Variants in FLNB observed in about 807,000 individuals in gnomAD.
FLNB encodes filamin B.
In FLNB, 111 loss-of-function variants were observed where a neutral mutation model predicts 250.6. That is an observed-to-expected ratio of 0.44 (90% CI 0.38 to 0.52). The LOEUF is 0.52. FLNB is among the 20% of genes least tolerant of loss of function. FLNB has a pLI of 0.00. For missense variants in FLNB, 2,869 were observed against 3,447.8 expected (o/e 0.83, Z 4.20); for synonymous variants, 1,302 against 1,372.1 (o/e 0.95, Z 1.13).
rs751194469 is a variant in FLNB at position 58,104,136 on chromosome 3, G to A, written c.1610+51G>A. On this transcript the variant is annotated intron_variant, in intron 10 of 45. Transcript: ENST00000295956. ...TTCTCTGGAGGGTGCTCGGCCCAGG[G>A]CGGACTCATGGGTAGTTGCTTCCCG... is the stretch of plus-strand genomic sequence containing the variant. 5.0e-6 allele frequency: 8 copies of A among 1,603,876 alleles called. No individual in the cohort carries two copies. In the African/African-American group the frequency reaches 9.4e-5, roughly 19 times the overall value.
In FLNB at chr3:58,143,531, C is replaced by T. The variant is rs569956910; in HGVS notation, c.5343C>T (p.Asp1781=). ...CACCTGAGATTGTGGACAACAAGGA[C>T]GGCACGGTCACTGTTAGATATGCCC... ...TATPEIVDNK[D]GTVTVRYAPT... Residue 1781 remains aspartate (D), a synonymous_variant, in exon 32 of 46, where the codon GAC becomes GAT. Coordinates refer to ENST00000295956, the MANE Select transcript of FLNB (RefSeq NM_001457.4). The T allele has an allele frequency of 2.0e-5, 33 of 1,614,166 alleles. No homozygotes were observed. The South Asian group carries it at 2.2e-4, about 11-fold the overall frequency.
At chr3:58,091,466 A>G (rs1326135554) in intron 4 of FLNB, among the ~76,000 whole-genome samples, 2 of 152,148 alleles carry the variant, frequency 1.3e-5, no homozygotes. Context: ...GGTGGCAGAG[A>G]AATTGAACAT....
intron 1 of FLNB, among the ~76,000 whole-genome samples, chr3:58,053,622 G>T (rs867089188): frequency 6.6e-6 from 1 of 151,930 alleles, no homozygotes; most frequent in Admixed American, 6.6e-5. Context: ...TACCATGCCC[G>T]GCTAATTTTT....
chr3:58,148,529 T>C, intron 35 of FLNB, 120 bp from the exon 36 acceptor site: 1 of 1,224,702 alleles, frequency 8.2e-7, no homozygotes, highest in Non-Finnish European at 1.2e-6. Context: ...CATTGTGATA[T>C]CGACACTCTG....
rs779055842 is a variant in FLNB, at chr3:58,154,851, G to A, written c.6695G>A (p.Gly2232Asp). The part of the protein sequence containing the change: ...GAGGLSIAVE[G>D]PSKAEITFDD... ...GGAGGCCTCTCCATCGCTGTTGAGG[G>A]CCCCAGTAAGGCCGAGATTACATTC... The change falls in exon 40 of 46, where the codon GGC (glycine) becomes GAC (aspartate). Residue 2232 changes from glycine to aspartate, a missense_variant. Coordinates refer to ENST00000295956, the MANE Select transcript of FLNB (RefSeq NM_001457.4). 1.2e-6 allele frequency: 2 copies of A among 1,613,946 alleles called. No individual in the cohort carries two copies. Among genetic ancestry groups the A allele is most frequent in the Admixed American group, 3.3e-5 (2 of 60,012 alleles).
intron 1 of FLNB, among the ~76,000 whole-genome samples, chr3:58,051,638 C>T (rs553750208): frequency 6.6e-6 from 1 of 151,776 alleles, no homozygotes; most frequent in East Asian, 1.9e-4. Context: ...CCCCACTCCC[C>T]AAGAGATGCT....
At chr3:58,019,581 G>A (rs1050507017) in intron 1 of FLNB, among the ~76,000 whole-genome samples, 7 of 152,166 alleles carry the variant, frequency 4.6e-5, no homozygotes, top group Non-Finnish European at 2.9e-5. Context: ...TGCTGTAAAG[G>A]ACTTTTGTGT....
chr3:58,071,042 G>GCTCAAGCAATCCTCCTGC (rs1179299240), intron 1 of FLNB, among the ~76,000 whole-genome samples: 1 of 151,434 alleles, frequency 6.6e-6, no homozygotes, highest in African/African-American at 2.4e-5. Flanking sequence ...CGATCTCCTG[G>GCTCAAGCAATCCTCCTGC]CTCAAGCAAT....
At chr3:58,047,720 C>T (rs192615062) in intron 1 of FLNB, among the ~76,000 whole-genome samples, 28 of 152,060 alleles carry the variant, frequency 1.8e-4, no homozygotes, top group Non-Finnish European at 3.2e-4. Flanking sequence ...ATTACAGGCA[C>T]GGGCCACCAT....
At position 58,105,115 on chromosome 3, in the gene FLNB, T is replaced by C; in HGVS notation, c.1646T>C (p.Met549Thr). The C allele has an allele frequency of 1.2e-6, 2 of 1,614,256 alleles. No individual in the cohort carries two copies. The highest frequency in any genetic ancestry group is 1.1e-5 in the South Asian group (1 of 91,084). The change falls in exon 11 of 46, where the codon ATG becomes ACG. Residue 549 changes from methionine (M) to threonine (T), a missense_variant. Around this residue, in one of 5 missense-constraint regions of FLNB, gnomAD observed 1,348 missense variants for 1,466.7 expected, o/e 0.92. Transcript: ENST00000295956. Reference protein sequence around the residue: ...FEVQVGPEAGMQKVRAWGPGL... With the variant: ...FEVQVGPEAGTQKVRAWGPGL... ...GTTCAAGTTGGCCCTGAAGCGGGTA[T>C]GCAGAAAGTCCGTGCTTGGGGCCCT...
intron 27 of FLNB, among the ~76,000 whole-genome samples, chr3:58,135,134 C>T (rs910378789): frequency 6.6e-6 from 1 of 152,198 alleles, no homozygotes. Context: ...GGATTGCAGA[C>T]ATGAGACACT....
intron 16 of FLNB, among the ~76,000 whole-genome samples, chr3:58,111,469 T>C (rs1356366229): frequency 6.6e-6 from 1 of 152,080 alleles, no homozygotes; most frequent in African/African-American, 2.4e-5. Context: ...CCCAGCCCCA[T>C]GTATTATTGT....
chr3:58,141,970 C>T, intron 30 of FLNB, 41 bp downstream of exon 30: 1 of 1,552,496 alleles, frequency 6.4e-7, no homozygotes, highest in Non-Finnish European at 8.9e-7. Context: ...TCTGTGTTTA[C>T]TCAGCCTTCA....
intron 1 of FLNB, among the ~76,000 whole-genome samples, chr3:58,061,214 G>T (rs926963759): frequency 2.0e-5 from 3 of 152,196 alleles, no homozygotes; most frequent in Non-Finnish European, 1.5e-5. Flanking sequence ...TCAAGAGACA[G>T]TCTGTACATA....
At chr3:58,039,581 G>A (rs1239607221) in intron 1 of FLNB, among the ~76,000 whole-genome samples, 1 of 152,176 alleles carries the variant, frequency 6.6e-6, no homozygotes, top group Non-Finnish European at 1.5e-5. Flanking sequence ...TGTAATTCAA[G>A]TTGCTGAGTA....
chr3:58,169,525 C>T lies in FLNB; in HGVS notation c.7418-65C>T. ...TTACTGTGTAGGGTACTCGCCTGTC[C>T]TCTGGCTGAGAGACCCCTCTTGATC... On this transcript the variant is annotated intron_variant, in intron 44 of 45. Coordinates refer to ENST00000295956, the MANE Select transcript of FLNB (RefSeq NM_001457.4). The surrounding 1 kb of genome is among the most constrained non-coding windows in gnomAD (Gnocchi z 4.8). 1 of 1,355,988 alleles carries T rather than the reference C, an allele frequency of 7.4e-7. No individual in the cohort carries two copies. The highest frequency in any genetic ancestry group is 1.1e-6 in the Non-Finnish European group (1 of 944,698). The allele number at this position is 1,355,988 out of a possible 1,614,324, so 84.0% of individuals were successfully genotyped here. A position where few individuals can be genotyped will look rare whatever the true frequency, so the allele number is the denominator to read the frequency against.
intron 26 of FLNB, among the ~76,000 whole-genome samples, chr3:58,134,059 A>G (rs764275634): frequency 2.6e-5 from 4 of 152,136 alleles, no homozygotes; most frequent in Non-Finnish European, 5.9e-5. Context: ...TCCCCAAACT[A>G]CTTGTATCCC....
At chr3:58,064,866 A>G (rs1329961002) in intron 1 of FLNB, among the ~76,000 whole-genome samples, 4 of 152,024 alleles carry the variant, frequency 2.6e-5, no homozygotes, top group Admixed American at 1.3e-4. Context: ...CACACACACC[A>G]CACAGACACA....
At chr3:58,083,555 T>C (rs1343657029) in intron 4 of FLNB, among the ~76,000 whole-genome samples, 1 of 151,794 alleles carries the variant, frequency 6.6e-6, no homozygotes, top group Non-Finnish European at 1.5e-5. Context: ...TTAGTAGAGA[T>C]GGGGTTTCAC....
Sources: gnomAD v4.1 joint callset for allele counts (sites outside exome capture counted in the v4.1 genomes callset) on GRCh38, gnomAD v4.1.1 for gene constraint, gnomAD v4.1.1 regional missense constraint, Gnocchi (gnomAD v3.1) non-coding constraint, MANE v1.5 for transcripts, NCBI Gene and HGNC (gene_info 2026-07-23, HGNC 2026-07-21) for gene names.